Variants in NAXD observed in about 807,000 individuals in gnomAD.
NAXD encodes the protein NAD(P)HX dehydratase, also known as ATP-dependent (S)-NAD(P)H-hydrate dehydratase.
In NAXD, 22 loss-of-function variants were observed where a neutral mutation model predicts 35.8. The observed-to-expected ratio is 0.62, with a 90% CI of 0.44 to 0.88. The LOEUF is 0.88. Ranked by LOEUF, NAXD falls within the 40% of genes least tolerant of loss-of-function variation. NAXD has a pLI of 0.00. For missense variants in NAXD, 428 were observed against 437.7 expected (o/e 0.98, Z 0.20); for synonymous variants, 189 against 177.6 (o/e 1.06, Z -0.51).
At position 110,618,792 on chromosome 13, in the gene NAXD, C is replaced by T. The variant is rs142938662; in HGVS notation, c.46+3145C>T. On this transcript the variant is annotated intron_variant, in intron 1 of 9. Coordinates refer to ENST00000680254, the MANE Select transcript of NAXD (RefSeq NM_001242882.2). ...AGCTTTAAAGCCTGTAGGTTTTAAG[C>T]GTATCCTTGCCTGGACTAGCATATC... is the stretch of plus-strand genomic sequence containing the variant. Among the ~76,000 whole-genome samples, 19 of 152,300 alleles carry T rather than the reference C, an allele frequency of 1.2e-4. No homozygotes were observed. The East Asian group carries it at 3.3e-3, about 26-fold the overall frequency.
Position 110,638,374 on chromosome 13 carries a change from G to A in NAXD, c.840-4G>A, listed in dbSNP as rs767874491. On this transcript the variant is annotated splice_polypyrimidine_tract_variant and splice_region_variant and intron_variant, in intron 9 of 9. Transcript: ENST00000680254. The surrounding 1 kb of genome is among the most constrained non-coding windows in gnomAD (Gnocchi z 5.4). ...CACACCTCCTGCTGTCCCCCTCTCCGCAGGTCCAGCCCTCTCCTGGTGGCC... is the reference window on the plus strand; with the variant it reads ...CACACCTCCTGCTGTCCCCCTCTCCACAGGTCCAGCCCTCTCCTGGTGGCC... The A allele has an allele frequency of 1.4e-5, 23 of 1,613,554 alleles. No individual in the cohort carries two copies. The highest frequency in any genetic ancestry group is 3.3e-4 in the Middle Eastern group (2 of 6,084).
At chr13:110,626,650 C>T (rs879828406) in intron 4 of NAXD, among the ~76,000 whole-genome samples, 12 of 152,092 alleles carry the variant, frequency 7.9e-5, no homozygotes, top group Admixed American at 5.9e-4. Context: ...TCAGTGAAGC[C>T]GCTGTTTCCA....
chr13:110,616,756 A>G (rs1886074271), intron 1 of NAXD, among the ~76,000 whole-genome samples: 1 of 152,232 alleles, frequency 6.6e-6, no homozygotes, highest in East Asian at 1.9e-4. Context: ...TATAGAAGAT[A>G]AATAGAAGCT....
chr13:110,634,485 G>T, intron 5 of NAXD, 60 bp from the exon 6 acceptor site: 2 of 1,548,160 alleles, frequency 1.3e-6, no homozygotes, highest in Admixed American at 3.3e-5. Context: ...GTTTTGAGAA[G>T]ACACATACCC....
Position 110,638,564 on chromosome 13 carries a change from C to T in NAXD, c.*36C>T, listed in dbSNP as rs372086097. 57 of 1,608,446 alleles carry T rather than the reference C, an allele frequency of 3.5e-5. No homozygotes were observed. In the East Asian group the frequency reaches 5.6e-4, roughly 16 times the overall value. On this transcript the variant is annotated 3_prime_UTR_variant, in exon 10 of 10. Transcript: ENST00000680254. The surrounding 1 kb of genome is among the most constrained non-coding windows in gnomAD (Gnocchi z 5.4). ...ACCAGAAGTAAACAGGCACCTTGGA[C>T]GGGGGAGAGCGTGTGTGTGATGGGA...
chr13:110,627,410 A>G, intron 4 of NAXD, 29 bp from the exon 5 acceptor site: 1 of 1,475,078 alleles, frequency 6.8e-7, no homozygotes, highest in Non-Finnish European at 9.5e-7. Context: ...ATTGTGGGTA[A>G]CCATCCTGGC....
intron 1 of NAXD, 132 bp downstream of exon 1, chr13:110,615,779 C>T (rs1318062174): frequency 2.9e-6 from 4 of 1,372,476 alleles, no homozygotes; most frequent in Non-Finnish European, 1.9e-6. Context: ...ACGCAGGTAC[C>T]CGACCGCTGA....
At chr13:110,620,303 T>A (rs915897060) in intron 1 of NAXD, among the ~76,000 whole-genome samples, 4 of 150,454 alleles carry the variant, frequency 2.7e-5, no homozygotes, top group Non-Finnish European at 5.9e-5. Flanking sequence ...GGGGTTGGGC[T>A]GAGCGCGGTG....
chr13:110,616,058 C>T (rs1886040189), intron 1 of NAXD: 2 of 365,670 alleles, frequency 5.5e-6, no homozygotes, highest in Non-Finnish European at 4.9e-6. Flanking sequence ...GGGCCGAGGA[C>T]GGTAGGAGGG....
chr13:110,621,613 T>G (rs1259682158), intron 1 of NAXD, among the ~76,000 whole-genome samples: 1 of 152,180 alleles, frequency 6.6e-6, no homozygotes, highest in Non-Finnish European at 1.5e-5. Flanking sequence ...GGAGAATCGC[T>G]TGAACCCAGG....
chr13:110,634,847 C>T, intron 7 of NAXD, 71 bp downstream of exon 7: 1 of 1,150,760 alleles, frequency 8.7e-7, no homozygotes, highest in Non-Finnish European at 1.3e-6. Context: ...GGACGAGCTC[C>T]ATGCTTCTGC....
intron 4 of NAXD, 90 bp downstream of exon 4, chr13:110,625,368 G>A: frequency 1.2e-6 from 1 of 823,704 alleles, no homozygotes; most frequent in Admixed American, 2.1e-5. Context: ...CGTCCTGATG[G>A]ATTTTCCATC....
At chr13:110,618,042 T>C (rs892476055) in intron 1 of NAXD, among the ~76,000 whole-genome samples, 2 of 152,158 alleles carry the variant, frequency 1.3e-5, no homozygotes, top group Non-Finnish European at 2.9e-5. Flanking sequence ...AGAACTTCCT[T>C]CTTATGTCCA....
At chr13:110,615,523 C>G, upstream of NAXD, 1 of 1,294,974 alleles carries the variant, frequency 7.7e-7, no homozygotes, top group Non-Finnish European at 9.9e-7. Context: ...CGGAGGCGGT[C>G]GGGAAACCGG....
At position 110,615,589 on chromosome 13, in the gene NAXD, G is replaced by A. The variant is rs570457132; in HGVS notation, c.-13G>A. On this transcript the variant is annotated 5_prime_UTR_variant, in exon 1 of 10. Transcript: ENST00000680254. ...ACGGCGCGGGGGCAGCTGGGAATCC[G>A]GAATGCTGCCCGATGGCCCTGGGTC... is the stretch of plus-strand genomic sequence containing the variant. 42 of 1,373,426 alleles carry A rather than the reference G, an allele frequency of 3.1e-5. No homozygotes were observed. In the African/African-American group the frequency reaches 5.9e-4, roughly 19 times the overall value. The allele number at this position is 1,373,426 out of a possible 1,614,324, so 85.1% of individuals were successfully genotyped here.
chr13:110,635,430 A>C (rs1340281805), intron 7 of NAXD, 38 bp from the exon 8 acceptor site: 2 of 1,606,218 alleles, frequency 1.2e-6, no homozygotes, highest in South Asian at 2.2e-5. Flanking sequence ...TGTCTGAGGA[A>C]GACTTTGCTT....
At chr13:110,635,391 C>T (rs914765920) in intron 7 of NAXD, 77 bp from the exon 8 acceptor site, 14 of 1,523,694 alleles carry the variant, frequency 9.2e-6, no homozygotes, top group South Asian at 4.7e-5. Context: ...AGTCTCATGG[C>T]GGATGGGACA....
Position 110,622,349 on chromosome 13 carries a change from A to G in NAXD, c.180A>G (p.Val60=). Residue 60 remains valine, a synonymous_variant, in exon 2 of 10, where the codon GTA becomes GTG. Transcript: ENST00000680254. ...AAGGGCAAGATGGAAGAATAGGCGT[A>G]GTTGGAGGCTGTCAGGAGTAAGTAG... is the stretch of plus-strand genomic sequence containing the variant. ...KHKGQDGRIG[V]VGGCQEYTGA... 1 of 1,614,182 alleles carries G rather than the reference A, an allele frequency of 6.2e-7. No individual in the cohort carries two copies. The highest frequency in any genetic ancestry group is 8.5e-7 in the Non-Finnish European group (1 of 1,180,006).
rs1886010154 is a variant in NAXD at position 110,615,579 on chromosome 13, C to T, written c.-23C>T. Reference sequence around the variant, plus strand: ...GTTTCCGGCGACGGCGCGGGGGCAGCTGGGAATCCGGAATGCTGCCCGATG... The same window carrying T: ...GTTTCCGGCGACGGCGCGGGGGCAGTTGGGAATCCGGAATGCTGCCCGATG... On this transcript the variant is annotated 5_prime_UTR_variant, in exon 1 of 10. Coordinates refer to ENST00000680254, the MANE Select transcript of NAXD (RefSeq NM_001242882.2). 3 of 1,347,538 alleles carry T rather than the reference C, an allele frequency of 2.2e-6. No individual in the cohort carries two copies. The highest frequency in any genetic ancestry group is 2.9e-6 in the Non-Finnish European group (3 of 1,048,692). The allele number at this position is 1,347,538 out of a possible 1,614,324, so 83.5% of individuals were successfully genotyped here. A position where few individuals can be genotyped will look rare whatever the true frequency, so the allele number is the denominator to read the frequency against.
Sources: allele counts gnomAD v4.1 joint callset (sites outside exome capture counted in the v4.1 genomes callset), GRCh38; gene constraint gnomAD v4.1.1; non-coding constraint Gnocchi (gnomAD v3.1); transcripts MANE v1.5; gene names NCBI Gene and HGNC (gene_info 2026-07-23, HGNC 2026-07-21).